NHEJ1: variants seen among roughly 807,000 people sequenced by gnomAD.
NHEJ1 encodes non-homologous end-joining factor 1.
Under a neutral mutation model 39.4 loss-of-function variants are expected in NHEJ1, and 22 were observed. The observed-to-expected ratio is 0.56, with a 90% CI of 0.40 to 0.80. The LOEUF is 0.80. Ranked by LOEUF, NHEJ1 falls within the 30% of genes least tolerant of loss-of-function variation. NHEJ1 has a pLI of 0.00. For missense variants in NHEJ1, 329 were observed against 357.1 expected (o/e 0.92, Z 0.63); for synonymous variants, 154 against 135.6 (o/e 1.14, Z -0.94).
intron 5 of NHEJ1, among the ~76,000 whole-genome samples, chr2:219,113,623 GA>G (rs1949385298): frequency 6.6e-6 from 1 of 152,056 alleles, no homozygotes; most frequent in Non-Finnish European, 1.5e-5. Context: ...TCCTGACATA[GA>G]AAAGAGCCCT....
At chr2:219,089,488 A>G (rs982522822) in intron 5 of NHEJ1, among the ~76,000 whole-genome samples, 1 of 152,260 alleles carries the variant, frequency 6.6e-6, no homozygotes, top group Non-Finnish European at 1.5e-5. Context: ...CAGACACGAA[A>G]GACCACATAC....
chr2:219,094,272 T>A (rs1559189225), intron 5 of NHEJ1, among the ~76,000 whole-genome samples: 1 of 152,002 alleles, frequency 6.6e-6, no homozygotes, highest in Non-Finnish European at 1.5e-5. Context: ...CAGAAAAAGA[T>A]GGAGGGTAGG....
intron 5 of NHEJ1, among the ~76,000 whole-genome samples, chr2:219,097,758 T>C (rs1949222706): frequency 6.6e-6 from 1 of 152,178 alleles, no homozygotes; most frequent in African/African-American, 2.4e-5. Context: ...GGTGGAAATG[T>C]TGAACAAGTA....
At chr2:219,105,304 A>T (rs1484300417) in intron 5 of NHEJ1, among the ~76,000 whole-genome samples, 1 of 152,220 alleles carries the variant, frequency 6.6e-6, no homozygotes, top group Non-Finnish European at 1.5e-5. Context: ...CTAAGAAGAA[A>T]TATCTAGAAA....
At chr2:219,135,700 G>A (rs989701516) in intron 5 of NHEJ1, among the ~76,000 whole-genome samples, 5 of 152,154 alleles carry the variant, frequency 3.3e-5, no homozygotes, top group African/African-American at 1.2e-4. Context: ...TTTAAAGCAA[G>A]TAAGTGTGGC....
intron 5 of NHEJ1, among the ~76,000 whole-genome samples, chr2:219,084,882 A>G (rs920826805): frequency 2.0e-5 from 3 of 152,132 alleles, no homozygotes; most frequent in African/African-American, 7.2e-5. Flanking sequence ...TAAAGCTGCT[A>G]CTCTCTCCAG....
intron 5 of NHEJ1, among the ~76,000 whole-genome samples, chr2:219,126,473 T>G (rs1949516153): frequency 6.6e-6 from 1 of 152,214 alleles, no homozygotes; most frequent in Non-Finnish European, 1.5e-5. Flanking sequence ...GATCAATATA[T>G]TTGTGTTGAA....
intron 5 of NHEJ1, among the ~76,000 whole-genome samples, chr2:219,088,726 C>T (rs183599892): frequency 2.0e-5 from 3 of 152,308 alleles, no homozygotes; most frequent in Admixed American, 6.5e-5. Flanking sequence ...GCTGGTTACA[C>T]AGCTATGTTA....
intron 3 of NHEJ1, among the ~76,000 whole-genome samples, chr2:219,151,630 T>C (rs747888575): frequency 6.6e-6 from 1 of 152,232 alleles, no homozygotes; most frequent in Non-Finnish European, 1.5e-5. Context: ...TTAGACCAGA[T>C]AGCCTTAAAT....
At chr2:219,159,521 A>ATATG (rs1949893396) in intron 1 of NHEJ1, among the ~76,000 whole-genome samples, 1 of 23,990 alleles carries the variant, frequency 4.2e-5, no homozygotes. Context: ...CTTTATATAT[A>ATATG]TATGCATATA....
At chr2:219,136,785 T>G (rs952077708) in intron 5 of NHEJ1, among the ~76,000 whole-genome samples, 13 of 151,908 alleles carry the variant, frequency 8.6e-5, no homozygotes, top group African/African-American at 3.1e-4. Flanking sequence ...TTATCTTTAG[T>G]AGAGATGGGG....
chr2:219,141,645 G>A (rs770735901), intron 5 of NHEJ1, among the ~76,000 whole-genome samples: 2 of 152,138 alleles, frequency 1.3e-5, no homozygotes, highest in Non-Finnish European at 2.9e-5. Context: ...TGTTTAGGAT[G>A]TGCTTTATGT....
intron 1 of NHEJ1, 123 bp from the exon 2 acceptor site, chr2:219,158,485 A>G (rs1949879845): frequency 1.1e-6 from 1 of 892,598 alleles, no homozygotes; most frequent in Non-Finnish European, 1.8e-6. Context: ...AATAGAAGGC[A>G]TGGATTTACG....
At chr2:219,121,403 C>T (rs1949470066) in intron 5 of NHEJ1, among the ~76,000 whole-genome samples, 1 of 152,168 alleles carries the variant, frequency 6.6e-6, no homozygotes, top group African/African-American at 2.4e-5. Context: ...AAAGAATGAA[C>T]TACCATTCAA....
At chr2:219,127,763 T>G (rs181945861) in intron 5 of NHEJ1, among the ~76,000 whole-genome samples, 6 of 152,370 alleles carry the variant, frequency 3.9e-5, no homozygotes, top group Non-Finnish European at 5.9e-5. Context: ...AAAACATTCA[T>G]TCCTTTTCTT....
chr2:219,087,025 C>A (rs970177081), intron 5 of NHEJ1, among the ~76,000 whole-genome samples: 3 of 151,996 alleles, frequency 2.0e-5, no homozygotes, highest in Admixed American at 6.6e-5. Context: ...CTGGGGGGGA[C>A]GGATCCTCAG....
intron 5 of NHEJ1, among the ~76,000 whole-genome samples, chr2:219,145,942 TAAAAAAA>T (rs796264986): frequency 1.1e-5 from 1 of 92,918 alleles, no homozygotes; most frequent in Non-Finnish European, 2.4e-5. Context: ...CAAAAAAAAA[TAAAAAAA>T]AAAAAAAGAA....
At chr2:219,082,311 C>T (rs573109630) in intron 5 of NHEJ1, among the ~76,000 whole-genome samples, 1 of 152,206 alleles carries the variant, frequency 6.6e-6, no homozygotes, top group Non-Finnish European at 1.5e-5. Context: ...TTTATTTCCC[C>T]TTCTTGTCCC....
chr2:219,151,205 T>A (rs901979451), intron 3 of NHEJ1, among the ~76,000 whole-genome samples: 3 of 150,672 alleles, frequency 2.0e-5, no homozygotes, highest in African/African-American at 7.3e-5. Flanking sequence ...CTTGTATAAA[T>A]GACAGTGAAT....
Sources: allele counts gnomAD v4.1 joint callset (sites outside exome capture counted in the v4.1 genomes callset), GRCh38; gene constraint gnomAD v4.1.1; transcripts MANE v1.5; gene names NCBI Gene and HGNC (gene_info 2026-07-23, HGNC 2026-07-21).